CSRNP3: variants seen among roughly 807,000 people sequenced by gnomAD.
CSRNP3 encodes the protein cysteine/serine-rich nuclear protein 3.
A neutral mutation model predicts 48.0 loss-of-function variants in CSRNP3; 12 were observed. The ratio of observed to expected loss-of-function variants is 0.25; its 90% CI spans 0.16 to 0.41. CSRNP3 has a LOEUF of 0.41. Ranked by LOEUF, CSRNP3 falls within the 10% of genes least tolerant of loss-of-function variation. The probability of loss-of-function intolerance (pLI) is 1.00; values close to 1 mark genes in which losing one functional copy is unlikely to be tolerated. For synonymous variants in CSRNP3, 263 were observed against 269.7 expected, an observed-to-expected ratio of 0.98 and a Z score of 0.24; for missense variants, 580 against 724.4, an observed-to-expected ratio of 0.80 and a Z score of 2.29.
chr2:165,623,313 G>C (rs1246790084), intron 4 of CSRNP3, among the ~76,000 whole-genome samples: 4 of 152,146 alleles, frequency 2.6e-5, no homozygotes, highest in Non-Finnish European at 4.4e-5. Context: ...CCTCTTGTCA[G>C]ATCAGTGGGG....
chr2:165,661,840 C>T (rs1361819833), intron 5 of CSRNP3, among the ~76,000 whole-genome samples: 1 of 152,110 alleles, frequency 6.6e-6, no homozygotes, highest in African/African-American at 2.4e-5. Context: ...TTTCCAAACC[C>T]ATCATTATGG....
chr2:165,611,013 G>C (rs1283773508), intron 4 of CSRNP3, among the ~76,000 whole-genome samples: 2 of 152,102 alleles, frequency 1.3e-5, no homozygotes, highest in Non-Finnish European at 2.9e-5. Context: ...AGATAAATAA[G>C]TATTGGCGTT....
At chr2:165,507,167 G>A (rs530807960) in intron 2 of CSRNP3, among the ~76,000 whole-genome samples, 20 of 152,032 alleles carry the variant, frequency 1.3e-4, no homozygotes, top group Admixed American at 9.8e-4. Context: ...TTAATAAAAA[G>A]AACTAATATA....
At chr2:165,615,594 T>A (rs193042957) in intron 4 of CSRNP3, among the ~76,000 whole-genome samples, 24 of 152,086 alleles carry the variant, frequency 1.6e-4, no homozygotes, top group Admixed American at 1.0e-3. Flanking sequence ...GCTGAATCAA[T>A]CCCTTAATTA....
At chr2:165,585,688 G>T (rs1418928166) in intron 3 of CSRNP3, among the ~76,000 whole-genome samples, 1 of 152,114 alleles carries the variant, frequency 6.6e-6, no homozygotes, top group Non-Finnish European at 1.5e-5. Flanking sequence ...ATGCACAATA[G>T]ATTATTTTGC....
intron 5 of CSRNP3, among the ~76,000 whole-genome samples, chr2:165,668,526 C>G (rs1687274072): frequency 6.6e-6 from 1 of 151,742 alleles, no homozygotes; most frequent in Non-Finnish European, 1.5e-5. Context: ...CTCAGCTTCC[C>G]AAATACCTGG....
intron 2 of CSRNP3, among the ~76,000 whole-genome samples, chr2:165,504,653 C>G (rs902967744): frequency 6.6e-6 from 1 of 151,998 alleles, no homozygotes; most frequent in African/African-American, 2.4e-5. Flanking sequence ...AATAAAATGA[C>G]GGTACCACTG....
At chr2:165,664,520 A>G (rs974182318) in intron 5 of CSRNP3, among the ~76,000 whole-genome samples, 7 of 152,204 alleles carry the variant, frequency 4.6e-5, no homozygotes, top group African/African-American at 1.7e-4. Context: ...AGCAATGGTG[A>G]TGGACATGCA....
At chr2:165,643,657 A>G (rs897500001) in intron 4 of CSRNP3, among the ~76,000 whole-genome samples, 17 of 152,166 alleles carry the variant, frequency 1.1e-4, no homozygotes, top group Non-Finnish European at 1.6e-4. Flanking sequence ...CCCTCATTCA[A>G]CTTATATTCT....
intron 2 of CSRNP3, among the ~76,000 whole-genome samples, chr2:165,512,025 A>T (rs903401228): frequency 6.6e-6 from 1 of 152,092 alleles, no homozygotes; most frequent in East Asian, 1.9e-4. Context: ...ATTTAGTTAA[A>T]CTCTAAATTC....
At chr2:165,607,901 A>C (rs1686058207) in intron 4 of CSRNP3, among the ~76,000 whole-genome samples, 1 of 151,902 alleles carries the variant, frequency 6.6e-6, no homozygotes. Flanking sequence ...AAATGTGAGA[A>C]TAGATTGGGC....
intron 2 of CSRNP3, among the ~76,000 whole-genome samples, chr2:165,514,999 T>G (rs1684557422): frequency 6.6e-6 from 1 of 152,186 alleles, no homozygotes; most frequent in Admixed American, 6.5e-5. Context: ...CCAGGGTACC[T>G]TTGCCTCTGT....
At chr2:165,535,826 G>C (rs138924999) in intron 3 of CSRNP3, among the ~76,000 whole-genome samples, 219 of 151,902 alleles carry the variant, frequency 1.4e-3, no homozygotes, top group Non-Finnish European at 2.8e-3. Context: ...TGAGGCTGAT[G>C]TTATAAAATC....
At chr2:165,505,331 G>T (rs1684411997) in intron 2 of CSRNP3, among the ~76,000 whole-genome samples, 1 of 152,028 alleles carries the variant, frequency 6.6e-6, no homozygotes, top group African/African-American at 2.4e-5. Context: ...AGTGGAAGAA[G>T]AAAAAACTCA....
intron 1 of CSRNP3, among the ~76,000 whole-genome samples, chr2:165,480,261 G>A (rs573081823): frequency 3.3e-5 from 5 of 152,196 alleles, no homozygotes; most frequent in South Asian, 2.1e-4. Context: ...AAGCCCACCC[G>A]CATAATCTCC....
At chr2:165,480,375 T>A (rs1020858572) in intron 1 of CSRNP3, among the ~76,000 whole-genome samples, 2 of 152,130 alleles carry the variant, frequency 1.3e-5, no homozygotes, top group Non-Finnish European at 2.9e-5. Flanking sequence ...TATCTCACAG[T>A]GTTCACATGT....
chr2:165,548,010 T>C (rs574762004), intron 3 of CSRNP3, among the ~76,000 whole-genome samples: 2 of 152,196 alleles, frequency 1.3e-5, no homozygotes, highest in African/African-American at 4.8e-5. Flanking sequence ...ATTGTGAAAA[T>C]AATGCAAGCT....
intron 3 of CSRNP3, among the ~76,000 whole-genome samples, chr2:165,535,946 C>T (rs370064938): frequency 1.1e-4 from 17 of 151,740 alleles, no homozygotes; most frequent in Admixed American, 3.3e-4. Flanking sequence ...CTGTTTCCCA[C>T]GAAACAATGA....
intron 4 of CSRNP3, among the ~76,000 whole-genome samples, chr2:165,634,094 T>A (rs1049444550): frequency 6.6e-6 from 1 of 152,216 alleles, no homozygotes; most frequent in African/African-American, 2.4e-5. Context: ...ATCCCAACAC[T>A]TTGGGAGGCC....
Sources: gnomAD v4.1 joint callset for allele counts (sites outside exome capture counted in the v4.1 genomes callset) on GRCh38, gnomAD v4.1.1 for gene constraint, MANE v1.5 for transcripts, NCBI Gene and HGNC (gene_info 2026-07-23, HGNC 2026-07-21) for gene names.